DLGAP1: variants seen among roughly 807,000 people sequenced by gnomAD.
The protein encoded by DLGAP1 is DLG associated protein 1.
Under a neutral mutation model 90.8 loss-of-function variants are expected in DLGAP1, and 11 were observed. The ratio of observed to expected loss-of-function variants is 0.12; its 90% CI spans 0.08 to 0.20. The LOEUF (loss-of-function observed/expected upper bound fraction) is 0.20, where lower values mean the gene tolerates loss of function less well. Ranked by LOEUF, DLGAP1 falls within the 10% of genes least tolerant of loss-of-function variation. DLGAP1 has a pLI of 1.00. For synonymous variants in DLGAP1, 558 were observed against 540.7 expected (o/e 1.03, Z -0.44); for missense variants, 1,050 against 1,333.8 (o/e 0.79, Z 3.31).
At chr18:3,886,698 A>G (rs937181382) in intron 3 of DLGAP1, among the ~76,000 whole-genome samples, 7 of 152,200 alleles carry the variant, frequency 4.6e-5, no homozygotes, top group African/African-American at 1.7e-4. Flanking sequence ...CCAGGTTATA[A>G]CATACCACTA....
intron 4 of DLGAP1, among the ~76,000 whole-genome samples, chr18:3,850,402 T>A (rs2069271250): frequency 6.6e-6 from 1 of 151,768 alleles, no homozygotes; most frequent in South Asian, 2.1e-4. Context: ...AAAAAAAAAA[T>A]TAGCATGTGG....
chr18:3,950,730 A>G (rs991949979), intron 3 of DLGAP1, among the ~76,000 whole-genome samples: 6 of 152,146 alleles, frequency 3.9e-5, no homozygotes, highest in African/African-American at 1.4e-4. Context: ...CGCTGCTTCC[A>G]TTTACCCTAG....
intron 1 of DLGAP1, among the ~76,000 whole-genome samples, chr18:4,312,336 A>G (rs1189382152): frequency 6.6e-6 from 1 of 152,196 alleles, no homozygotes; most frequent in Non-Finnish European, 1.5e-5. Context: ...ACATGGTCTT[A>G]CCACTACATC....
At chr18:3,502,729 A>G (rs1387821587) in intron 11 of DLGAP1, 84 bp from the exon 12 acceptor site, 1 of 1,473,992 alleles carries the variant, frequency 6.8e-7, no homozygotes. Flanking sequence ...CAAATATTTC[A>G]AACAACATAA....
intron 3 of DLGAP1, among the ~76,000 whole-genome samples, chr18:3,944,874 A>G (rs1359857257): frequency 6.6e-6 from 1 of 152,208 alleles, no homozygotes; most frequent in Non-Finnish European, 1.5e-5. Flanking sequence ...TGAGATTGGA[A>G]CCTAGCCATG....
At chr18:4,216,957 T>C (rs1234068978) in intron 1 of DLGAP1, among the ~76,000 whole-genome samples, 7 of 152,112 alleles carry the variant, frequency 4.6e-5, no homozygotes, top group African/African-American at 1.4e-4. Context: ...TGACAAACAA[T>C]AATGTTATGT....
Position 4,338,088 on chromosome 18 carries a change from T to C in DLGAP1, c.-267+116918A>G, listed in dbSNP as rs551814288. ...ACTAATCTTACCACTAATTTTAGCA[T>C]CCATTAAAAAATTCCAATCAGTCTC... On this transcript the variant is annotated intron_variant, in intron 1 of 12. Coordinates refer to ENST00000315677, the MANE Select transcript of DLGAP1 (RefSeq NM_004746.4). 3.1e-4 allele frequency among the ~76,000 whole-genome samples: 47 copies of C among 152,306 alleles called. 1 individual carries two copies. The highest frequency in any genetic ancestry group is 5.0e-4 in the Non-Finnish European group (34 of 68,016).
chr18:4,344,071 A>G (rs1192087759), intron 1 of DLGAP1, among the ~76,000 whole-genome samples: 1 of 152,226 alleles, frequency 6.6e-6, no homozygotes. Flanking sequence ...AAAATTCTAT[A>G]AAGTGTCCCG....
At chr18:3,872,530 C>T (rs1213712469) in intron 4 of DLGAP1, among the ~76,000 whole-genome samples, 18 of 152,040 alleles carry the variant, frequency 1.2e-4, no homozygotes, top group Non-Finnish European at 2.4e-4. Context: ...TGTGTGATAA[C>T]CCACTAAGAC....
chr18:3,638,638 A>G (rs1444720638), intron 7 of DLGAP1, among the ~76,000 whole-genome samples: 10 of 152,188 alleles, frequency 6.6e-5, no homozygotes, highest in Admixed American at 5.9e-4. Flanking sequence ...TGACATCTTA[A>G]TGAGATATTT....
chr18:4,147,571 TTCCATCCATCCATCCATCCA>T (rs140010625), intron 2 of DLGAP1, among the ~76,000 whole-genome samples: 25 of 147,890 alleles, frequency 1.7e-4, no homozygotes, highest in South Asian at 6.6e-4. Flanking sequence ...TCATCCATTC[TTCCATCCATCCATCCATCCA>T]TCCATCCATC....
At chr18:4,173,165 G>A (rs2077051352) in intron 1 of DLGAP1, among the ~76,000 whole-genome samples, 1 of 152,166 alleles carries the variant, frequency 6.6e-6, no homozygotes, top group African/African-American at 2.4e-5. Context: ...GAGGGATCCA[G>A]GAAGCATGAG....
At chr18:3,652,805 C>T (rs1023725462) in intron 7 of DLGAP1, among the ~76,000 whole-genome samples, 4 of 152,202 alleles carry the variant, frequency 2.6e-5, no homozygotes, top group African/African-American at 7.2e-5. Context: ...AAACAAATCG[C>T]CTTGCAGACA....
At chr18:3,954,814 C>T (rs1028637141) in intron 3 of DLGAP1, among the ~76,000 whole-genome samples, 4 of 152,204 alleles carry the variant, frequency 2.6e-5, no homozygotes, top group Non-Finnish European at 5.9e-5. Flanking sequence ...GTTTGCAAAA[C>T]ACTGGACATG....
At position 4,124,029 on chromosome 18, in the gene DLGAP1, G is replaced by C. The variant is rs191532543; in HGVS notation, c.-159+27151C>G. 5.3e-4 allele frequency among the ~76,000 whole-genome samples: 81 copies of C among 152,176 alleles called. 1 individual carries two copies. The highest frequency in any genetic ancestry group is 2.6e-4 in the Admixed American group (4 of 15,284). On this transcript the variant is annotated intron_variant, in intron 2 of 12. Coordinates refer to ENST00000315677, the MANE Select transcript of DLGAP1 (RefSeq NM_004746.4). Reference sequence around the variant, plus strand: ...TATCATCAAGGATGGAAAGTCAATCGCAAGAGAATTCTGAACAGATATTGC... The same window carrying C: ...TATCATCAAGGATGGAAAGTCAATCCCAAGAGAATTCTGAACAGATATTGC...
chr18:4,278,579 T>G (rs953473354), intron 1 of DLGAP1, among the ~76,000 whole-genome samples: 5 of 152,188 alleles, frequency 3.3e-5, no homozygotes, highest in African/African-American at 1.2e-4. Context: ...GATAATGATC[T>G]CCAGTTTCAT....
chr18:4,408,485 A>G (rs1266445050), intron 1 of DLGAP1, among the ~76,000 whole-genome samples: 1 of 152,128 alleles, frequency 6.6e-6, no homozygotes, highest in East Asian at 1.9e-4. Context: ...ACCAAAAAAG[A>G]ATATGTCAAA....
At chr18:4,213,464 GAGA>G (rs1368789397) in intron 1 of DLGAP1, among the ~76,000 whole-genome samples, 10 of 152,052 alleles carry the variant, frequency 6.6e-5, no homozygotes, top group Admixed American at 5.3e-4. Context: ...AGTTAATTAG[GAGA>G]AGATTATTTC....
In DLGAP1 at chr18:3,729,521, A is replaced by G; in HGVS notation, c.1351-146T>C. 1 of 1,155,342 alleles carries G rather than the reference A, an allele frequency of 8.7e-7. No individual in the cohort carries two copies. Among genetic ancestry groups the G allele is most frequent in the South Asian group, 1.6e-5 (1 of 61,780 alleles). The allele number at this position is 1,155,342 out of a possible 1,614,324, so 71.6% of individuals were successfully genotyped here. On this transcript the variant is annotated intron_variant, in intron 6 of 12. Coordinates refer to ENST00000315677, the MANE Select transcript of DLGAP1 (RefSeq NM_004746.4). The surrounding 1 kb of genome is among the most constrained non-coding windows in gnomAD (Gnocchi z 6.2). ...ATGCATTTTATTTCCTTTCTGTTAC[A>G]GGCTATAATTGAATGGCATCCGCTT...
Sources: gnomAD v4.1 joint callset for allele counts (sites outside exome capture counted in the v4.1 genomes callset) on GRCh38, gnomAD v4.1.1 for gene constraint, Gnocchi (gnomAD v3.1) non-coding constraint, MANE v1.5 for transcripts, NCBI Gene and HGNC (gene_info 2026-07-23, HGNC 2026-07-21) for gene names.